The following DYSF variants were observed in gnomAD, a reference collection of about 807,000 sequenced individuals.
DYSF encodes the protein dysferlin, also known as dystrophy-associated fer-1-like 1.
A neutral mutation model predicts 274.9 loss-of-function variants in DYSF; 212 were observed. That is an observed-to-expected ratio of 0.77 (90% CI 0.69 to 0.86). The LOEUF (loss-of-function observed/expected upper bound fraction) is 0.86, where lower values mean the gene tolerates loss of function less well. Among genes scored for constraint, DYSF ranks in the 40% least tolerant of loss-of-function variants. The probability of loss-of-function intolerance (pLI) is 0.00; values close to 1 mark genes in which losing one functional copy is unlikely to be tolerated. For synonymous variants in DYSF, 1,091 were observed against 1,078.7 expected (o/e 1.01, Z -0.22); for missense variants, 2,666 against 2,783.2 (o/e 0.96, Z 0.95).
intron 3 of DYSF, 30 bp downstream of exon 3, chr2:71,482,000 G>A: frequency 1.3e-6 from 2 of 1,572,890 alleles, no homozygotes; most frequent in Non-Finnish European, 1.7e-6. Context: ...GTGCTCCATG[G>A]CTTGAAGGTG....
chr2:71,629,893 T>C (rs1265576030), intron 41 of DYSF, among the ~76,000 whole-genome samples: 2 of 152,198 alleles, frequency 1.3e-5, no homozygotes, highest in East Asian at 3.9e-4. Context: ...ATCATGCAGG[T>C]TTATCTCCTT....
intron 1 of DYSF, among the ~76,000 whole-genome samples, chr2:71,461,449 G>C (rs2081282392): frequency 6.6e-6 from 1 of 152,216 alleles, no homozygotes; most frequent in African/African-American, 2.4e-5. Context: ...GCATATTCTA[G>C]AAACTGACGA....
In DYSF at chr2:71,553,926, C is replaced by G; in HGVS notation, c.2104C>G (p.Arg702Gly). 1.9e-6 allele frequency: 3 copies of G among 1,614,158 alleles called. No individual in the cohort carries two copies. Among genetic ancestry groups the G allele is most frequent in the Non-Finnish European group, 1.7e-6 (2 of 1,180,030 alleles). ...GAACCAGCTGCTTGGGATTGCTGAC[C>G]GGCTGGTGAGTGAAAACTTGCCCAA... ...TQNQLLGIAD[R>G]LEAGLEQVHL... Residue 702 changes from arginine to glycine, a missense_variant, in exon 21 of 56, where the codon CGG becomes GGG. By Grantham distance (125) the Arg-to-Gly change is moderately radical (BLOSUM62 -2). Around this residue, in one of 3 missense-constraint regions of DYSF, gnomAD observed 412 missense variants for 504.0 expected, o/e 0.82. Transcript: ENST00000410020.
chr2:71,476,096 A>G (rs996308556), intron 1 of DYSF, among the ~76,000 whole-genome samples: 10 of 152,148 alleles, frequency 6.6e-5, no homozygotes, highest in Admixed American at 4.6e-4. Flanking sequence ...AGTGTTGTAC[A>G]TGGAACTTGG....
At chr2:71,681,643 C>T (rs1252584958) in intron 54 of DYSF, among the ~76,000 whole-genome samples, 4 of 152,290 alleles carry the variant, frequency 2.6e-5, no homozygotes, top group Non-Finnish European at 5.9e-5. Context: ...GAGCCCAATC[C>T]CTGTCTTCCC....
At chr2:71,525,723 T>C (rs1278910350) in intron 12 of DYSF, among the ~76,000 whole-genome samples, 1 of 152,120 alleles carries the variant, frequency 6.6e-6, no homozygotes, top group Non-Finnish European at 1.5e-5. Context: ...GTCAGCTCCA[T>C]GGGAACAGGG....
chr2:71,623,824 C>T (rs550480390), intron 41 of DYSF, among the ~76,000 whole-genome samples: 1 of 150,948 alleles, frequency 6.6e-6, no homozygotes, highest in Admixed American at 6.6e-5. Flanking sequence ...TAATCCAGCA[C>T]TTTGGGAGGT....
In DYSF at chr2:71,528,642, C is replaced by T. The variant is rs2088263550; in HGVS notation, c.1380+241C>T. 2.6e-5 allele frequency among the ~76,000 whole-genome samples: 4 copies of T among 151,880 alleles called. No individual in the cohort carries two copies. The South Asian group carries it at 8.3e-4, about 32-fold the overall frequency. ...CAGACAGACACATAGATGTGGATGG[C>T]CCAGGAGAGGACGTTGGATGGTGGA... On this transcript the variant is annotated intron_variant, in intron 14 of 55. Coordinates refer to ENST00000410020, the MANE Select transcript of DYSF (RefSeq NM_001130987.2).
At chr2:71,658,164 G>T (rs1290062470) in intron 43 of DYSF, among the ~76,000 whole-genome samples, 1 of 152,190 alleles carries the variant, frequency 6.6e-6, no homozygotes, top group Admixed American at 6.5e-5. Flanking sequence ...AAGCTCCACA[G>T]ATTTCTAGGG....
chr2:71,584,908 G>T (rs955144890), intron 30 of DYSF, among the ~76,000 whole-genome samples: 1 of 152,220 alleles, frequency 6.6e-6, no homozygotes, highest in Non-Finnish European at 1.5e-5. Flanking sequence ...CTGTGGCAGA[G>T]GAAAGGTTAT....
At chr2:71,552,907 G>A in intron 19 of DYSF, 104 bp from the exon 20 acceptor site, 7 of 1,200,004 alleles carry the variant, frequency 5.8e-6, no homozygotes, top group African/African-American at 1.5e-5. Flanking sequence ...AGGAGCTATT[G>A]GGTGCCGGTT....
chr2:71,499,836 C>T (rs2084796379), intron 3 of DYSF, among the ~76,000 whole-genome samples: 1 of 152,180 alleles, frequency 6.6e-6, no homozygotes, highest in Non-Finnish European at 1.5e-5. Context: ...GTGGTGTTTT[C>T]CTCCATGTGG....
intron 14 of DYSF, among the ~76,000 whole-genome samples, chr2:71,534,227 G>A (rs1225384294): frequency 1.3e-5 from 2 of 152,258 alleles, no homozygotes; most frequent in Non-Finnish European, 2.9e-5. Flanking sequence ...GCTTATCATA[G>A]TAAATGCTCT....
chr2:71,556,591 TC>T (rs2091357953), intron 22 of DYSF, among the ~76,000 whole-genome samples: 1 of 152,222 alleles, frequency 6.6e-6, no homozygotes, highest in Non-Finnish European at 1.5e-5. Flanking sequence ...CCCTTGGTTT[TC>T]TCAACTTCAA....
In DYSF at chr2:71,611,260, C is replaced by G. The variant is rs1192901170; in HGVS notation, c.3973C>G (p.Leu1325Val). Reference sequence around the variant, plus strand: ...TCCACTGCAGTCTGAGGACACAGACCTGCCCTACCCACCACCCCAGAGGGA... The same window carrying G: ...TCCACTGCAGTCTGAGGACACAGACGTGCCCTACCCACCACCCCAGAGGGA... ...RILDESEDTD[L>V]PYPPPQREAN... The change falls in exon 37 of 56, where the codon CTG becomes GTG. Residue 1325 changes from leucine to valine, a missense_variant. Physicochemically the swap from Leu to Val is conservative, Grantham distance 32 (BLOSUM62 1). Coordinates refer to ENST00000410020, the MANE Select transcript of DYSF (RefSeq NM_001130987.2). 1 of 1,613,670 alleles carries G rather than the reference C, an allele frequency of 6.2e-7. No individual in the cohort carries two copies. The highest frequency in any genetic ancestry group is 1.3e-5 in the African/African-American group (1 of 74,928).
Position 71,553,259 on chromosome 2 carries a change from C to T in DYSF, c.1984+71C>T, listed in dbSNP as rs2091089735. 7.5e-6 allele frequency: 12 copies of T among 1,603,150 alleles called. No homozygotes were observed. The South Asian group carries it at 1.1e-4, about 15-fold the overall frequency. ...GCAGGGGGCCACACCTTAAATCCCGCCTCCCATGGAAAGCTGCCAGAGTCT... is the reference window on the plus strand; with the variant it reads ...GCAGGGGGCCACACCTTAAATCCCGTCTCCCATGGAAAGCTGCCAGAGTCT... On this transcript the variant is annotated intron_variant, in intron 20 of 55. Coordinates refer to ENST00000410020, the MANE Select transcript of DYSF (RefSeq NM_001130987.2).
At chr2:71,494,900 C>G (rs183739219) in intron 3 of DYSF, among the ~76,000 whole-genome samples, 7 of 152,300 alleles carry the variant, frequency 4.6e-5, no homozygotes, top group Admixed American at 3.9e-4. Context: ...TTTCTCTACC[C>G]TCAGGAATGA....
At chr2:71,458,788 G>A (rs12617620) in intron 1 of DYSF, among the ~76,000 whole-genome samples, 27,286 of 152,132 alleles carry the variant, frequency 0.18, 2,630 homozygotes, top group Non-Finnish European at 0.22. Flanking sequence ...CTAGTGTTTT[G>A]TTTAATCCTC....
chr2:71,586,977 C>T (rs1362021652), intron 30 of DYSF, among the ~76,000 whole-genome samples: 1 of 152,208 alleles, frequency 6.6e-6, no homozygotes, highest in Admixed American at 6.5e-5. Context: ...CTTACCGGTG[C>T]CCCAGCAGCT....
Sources: gnomAD v4.1 joint callset for allele counts (sites outside exome capture counted in the v4.1 genomes callset) on GRCh38, gnomAD v4.1.1 for gene constraint, gnomAD v4.1.1 regional missense constraint, MANE v1.5 for transcripts, NCBI Gene and HGNC (gene_info 2026-07-23, HGNC 2026-07-21) for gene names.